NEBL: variants seen among roughly 807,000 people sequenced by gnomAD.
NEBL encodes the protein LIM and SH3 protein 2.
In NEBL, 122 loss-of-function variants were observed where a neutral mutation model predicts 140.2. That is an observed-to-expected ratio of 0.87 (90% CI 0.75 to 1.01). NEBL has a LOEUF of 1.01. Among genes scored for constraint, NEBL ranks in the 50% least tolerant of loss-of-function variants. The pLI, the probability that NEBL is intolerant of heterozygous loss-of-function variation, is 0.00. For synonymous variants in NEBL, 436 were observed against 398.9 expected, an observed-to-expected ratio of 1.09 and a Z score of -1.11; for missense variants, 1,365 against 1,231.3, an observed-to-expected ratio of 1.11 and a Z score of -1.62.
chr10:20,910,311 A>G (rs1848277102), intron 4 of NEBL, among the ~76,000 whole-genome samples: 1 of 152,232 alleles, frequency 6.6e-6, no homozygotes, highest in Non-Finnish European at 1.5e-5. Context: ...ATGATTTGAC[A>G]AAGATTATAA....
At chr10:21,088,953 T>G (rs555035400) in intron 2 of NEBL, among the ~76,000 whole-genome samples, 1 of 152,076 alleles carries the variant, frequency 6.6e-6, no homozygotes, top group Non-Finnish European at 1.5e-5. Context: ...GCAGGAAAGA[T>G]TGTTTGAGGT....
chr10:20,977,420 T>C (rs986083345), intron 3 of NEBL, among the ~76,000 whole-genome samples: 1 of 152,146 alleles, frequency 6.6e-6, no homozygotes, highest in African/African-American at 2.4e-5. Flanking sequence ...CATAACCTTA[T>C]CAAATTTCTA....
intron 1 of NEBL, among the ~76,000 whole-genome samples, chr10:21,254,385 T>G (rs1222439865): frequency 6.6e-6 from 1 of 151,976 alleles, no homozygotes; most frequent in Non-Finnish European, 1.5e-5. Context: ...GCCTCACAAA[T>G]TTCTGGGATT....
intron 4 of NEBL, among the ~76,000 whole-genome samples, chr10:20,903,267 C>T (rs569115588): frequency 6.6e-6 from 1 of 152,170 alleles, no homozygotes; most frequent in East Asian, 1.9e-4. Flanking sequence ...GAAAAAAATG[C>T]TCAATATCAC....
chr10:20,989,391 T>C (rs1184505560), intron 3 of NEBL, among the ~76,000 whole-genome samples: 1 of 152,240 alleles, frequency 6.6e-6, no homozygotes, highest in East Asian at 1.9e-4. Flanking sequence ...AAATAAAAGA[T>C]GATATACCAT....
chr10:20,966,520 G>A (rs1021637855), intron 3 of NEBL, among the ~76,000 whole-genome samples: 3 of 152,082 alleles, frequency 2.0e-5, no homozygotes, highest in African/African-American at 2.4e-5. Flanking sequence ...TTTTAAAAAC[G>A]GCCTTTGCTG....
At chr10:20,942,189 T>A (rs982714072) in intron 4 of NEBL, among the ~76,000 whole-genome samples, 1 of 152,150 alleles carries the variant, frequency 6.6e-6, no homozygotes, top group Non-Finnish European at 1.5e-5. Flanking sequence ...CTTCAAACTA[T>A]ACTAAAAGGC....
intron 3 of NEBL, among the ~76,000 whole-genome samples, chr10:20,980,154 T>A (rs1836974822): frequency 6.6e-6 from 1 of 152,098 alleles, no homozygotes. Context: ...CTTAACTTGC[T>A]AGCAAATATT....
chr10:20,898,008 A>G (rs1189447642), upstream of NEBL, among the ~76,000 whole-genome samples: 1 of 151,852 alleles, frequency 6.6e-6, no homozygotes, highest in Non-Finnish European at 1.5e-5. Context: ...CATCATCATC[A>G]TCTTTGAATT....
chr10:20,922,335 G>T (rs1833631574), intron 4 of NEBL, among the ~76,000 whole-genome samples: 1 of 152,158 alleles, frequency 6.6e-6, no homozygotes. Flanking sequence ...TGCACTAAGT[G>T]CTTCAGAAAC....
At chr10:21,034,885 G>C (rs985956349) in intron 2 of NEBL, among the ~76,000 whole-genome samples, 1 of 152,054 alleles carries the variant, frequency 6.6e-6, no homozygotes, top group Non-Finnish European at 1.5e-5. Context: ...ATGGTGATTT[G>C]CTGCACCTGT....
At chr10:20,817,548 C>G in intron 21 of NEBL, 52 bp downstream of exon 21, 3 of 1,353,574 alleles carry the variant, frequency 2.2e-6, no homozygotes, top group East Asian at 4.6e-5. Context: ...TTCATTCACA[C>G]GTGGACAATG....
chr10:21,278,412 C>T (rs1009259038), intron 1 of NEBL, among the ~76,000 whole-genome samples: 1 of 152,204 alleles, frequency 6.6e-6, no homozygotes, highest in Non-Finnish European at 1.5e-5. Flanking sequence ...CCACTGCACT[C>T]CAGGCTAGGT....
intron 1 of NEBL, among the ~76,000 whole-genome samples, chr10:21,279,665 T>C (rs1842967834): frequency 6.6e-6 from 1 of 150,492 alleles, no homozygotes; most frequent in African/African-American, 2.5e-5. Flanking sequence ...GGCTGAGACA[T>C]GAGAATCACT....
intron 3 of NEBL, among the ~76,000 whole-genome samples, chr10:21,244,210 C>G (rs1372634285): frequency 6.6e-6 from 1 of 152,004 alleles, no homozygotes; most frequent in African/African-American, 2.4e-5. Context: ...GTCTCCCAAG[C>G]TGGAGCGCAG....
At chr10:20,869,660 CATCCAACCACTGA>C in intron 6 of NEBL, 67 bp downstream of exon 6, 1 of 906,426 alleles carries the variant, frequency 1.1e-6, no homozygotes, top group South Asian at 1.3e-5. Context: ...TTAAATGAAC[CATCCAACCACTGA>C]AGCTATGCTT....
chr10:21,243,979 G>A (rs1842479520), intron 3 of NEBL, among the ~76,000 whole-genome samples: 1 of 151,632 alleles, frequency 6.6e-6, no homozygotes, highest in Non-Finnish European at 1.5e-5. Context: ...AGGGAAGGGA[G>A]GGAAGGAAGG....
chr10:21,066,071 T>C (rs1438502104), intron 2 of NEBL, among the ~76,000 whole-genome samples: 2 of 152,176 alleles, frequency 1.3e-5, no homozygotes, highest in African/African-American at 4.8e-5. Flanking sequence ...AGTCTTTCCA[T>C]ATGAGCATAA....
chr10:20,879,865 C>T (rs1588921026), intron 5 of NEBL, among the ~76,000 whole-genome samples: 1 of 152,182 alleles, frequency 6.6e-6, no homozygotes, highest in Non-Finnish European at 1.5e-5. Context: ...GAAGAAATTA[C>T]TCTTCTAGGC....
Sources: gnomAD v4.1 joint callset for allele counts (sites outside exome capture counted in the v4.1 genomes callset) on GRCh38, gnomAD v4.1.1 for gene constraint, MANE v1.5 for transcripts, NCBI Gene and HGNC (gene_info 2026-07-23, HGNC 2026-07-21) for gene names.